LMAN2L: variants seen among roughly 807,000 people sequenced by gnomAD.
The protein encoded by LMAN2L is VIP36-like protein.
LMAN2L carries 30 observed loss-of-function variants against 44.3 expected under a neutral mutation model. The ratio of observed to expected loss-of-function variants is 0.68; its 90% CI spans 0.51 to 0.92. LMAN2L has a LOEUF of 0.92. LMAN2L is among the 40% of genes least tolerant of loss of function. LMAN2L has a pLI of 0.00. For synonymous variants in LMAN2L, 183 were observed against 171.1 expected, an observed-to-expected ratio of 1.07 and a Z score of -0.54; for missense variants, 429 against 446.1, an observed-to-expected ratio of 0.96 and a Z score of 0.35.
At chr2:96,708,323 T>A (rs1160101879) in intron 6 of LMAN2L, among the ~76,000 whole-genome samples, 1 of 152,218 alleles carries the variant, frequency 6.6e-6, no homozygotes, top group Non-Finnish European at 1.5e-5. Flanking sequence ...ATTCAACACT[T>A]TGTTACAGAA....
At chr2:96,719,853 C>T (rs2078114791) in intron 4 of LMAN2L, among the ~76,000 whole-genome samples, 1 of 152,056 alleles carries the variant, frequency 6.6e-6, no homozygotes, top group African/African-American at 2.4e-5. Flanking sequence ...AGGCATTGGC[C>T]ACTGCACCTG....
At chr2:96,717,801 T>C (rs2078071075) in intron 4 of LMAN2L, among the ~76,000 whole-genome samples, 1 of 146,836 alleles carries the variant, frequency 6.8e-6, no homozygotes, top group South Asian at 2.2e-4. Flanking sequence ...ATCGTGCCAC[T>C]ATACGCCAGT....
At position 96,707,413 on chromosome 2, in the gene LMAN2L, G is replaced by A; in HGVS notation, c.905-15C>T. On this transcript the variant is annotated splice_polypyrimidine_tract_variant and intron_variant, in intron 7 of 7. Coordinates refer to ENST00000264963, the MANE Select transcript of LMAN2L (RefSeq NM_030805.4). ...TGGAGCTGTCACTGAGGAAGCAAGA[G>A]AGAAGCAAGTCAGAAAACAGGGAGC... 6.2e-7 allele frequency: 1 copy of A among 1,605,328 alleles called. No individual in the cohort carries two copies. The highest frequency in any genetic ancestry group is 8.5e-7 in the Non-Finnish European group (1 of 1,176,010).
At chr2:96,710,993 G>A (rs904192781) in intron 6 of LMAN2L, among the ~76,000 whole-genome samples, 6 of 152,176 alleles carry the variant, frequency 3.9e-5, no homozygotes, top group Non-Finnish European at 7.4e-5. Flanking sequence ...AAGAGGAGAT[G>A]GAAAAGTAAA....
intron 1 of LMAN2L, 132 bp from the exon 2 acceptor site, chr2:96,738,199 T>A (rs2078556777): frequency 9.3e-6 from 6 of 642,264 alleles, no homozygotes; most frequent in Admixed American, 2.7e-5. Context: ...CTATCTTCTC[T>A]CAGTCATGAA....
In LMAN2L at chr2:96,711,886, C is replaced by T. The variant is rs369034621; in HGVS notation, c.647G>A (p.Arg216His). Residue 216 changes from arginine (R) to histidine (H), a missense_variant, in exon 5 of 8, where the codon CGC (arginine) becomes CAC (histidine). Physicochemically the swap from Arg to His is conservative, Grantham distance 29. Coordinates refer to ENST00000264963, the MANE Select transcript of LMAN2L (RefSeq NM_030805.4). ...NLHYDTFLVI[R>H]YVKRHLTIMM... is the part of the protein sequence containing the mutation. Reference sequence around the variant, plus strand: ...CACCGTCAAATGCCTCTTGACGTAGCGAATCACCAGGAAGGTGTCGTAATG... The same window carrying T: ...CACCGTCAAATGCCTCTTGACGTAGTGAATCACCAGGAAGGTGTCGTAATG... The T allele has an allele frequency of 5.6e-6, 9 of 1,614,076 alleles. No homozygotes were observed. Among genetic ancestry groups the T allele is most frequent in the South Asian group, 5.5e-5 (5 of 91,090 alleles).
Position 96,711,876 on chromosome 2 carries a change from CTT to C in LMAN2L, c.655_656del (p.Lys219GlufsTer10). On this transcript the variant is annotated frameshift_variant, in exon 5 of 8. Coordinates refer to ENST00000264963, the MANE Select transcript of LMAN2L (RefSeq NM_030805.4). LOFTEE classifies it high-confidence loss of function. ...YDTFLVIRYV[K>X]RHLTIMMDID... The stretch of plus-strand genomic sequence containing the variant: ...CAAGGACTCTCACCGTCAAATGCCT[CTT>C]GACGTAGCGAATCACCAGGAAGGTG... The C allele has an allele frequency of 6.2e-7, 1 of 1,614,240 alleles. No individual in the cohort carries two copies. The highest frequency in any genetic ancestry group is 8.5e-7 in the Non-Finnish European group (1 of 1,180,042).
intron 4 of LMAN2L, among the ~76,000 whole-genome samples, chr2:96,716,951 G>A (rs1027128289): frequency 6.6e-6 from 1 of 152,160 alleles, no homozygotes; most frequent in Non-Finnish European, 1.5e-5. Context: ...ATACAACACA[G>A]GATCTGGGAC....
chr2:96,725,767 T>A (rs1387641156), intron 4 of LMAN2L, among the ~76,000 whole-genome samples: 1 of 152,098 alleles, frequency 6.6e-6, no homozygotes, highest in Non-Finnish European at 1.5e-5. Context: ...AAGTATTTTA[T>A]TCTTTTTGAT....
At chr2:96,727,405 G>A (rs540085213) in intron 4 of LMAN2L, among the ~76,000 whole-genome samples, 144 of 152,264 alleles carry the variant, frequency 9.5e-4, no homozygotes, top group Non-Finnish European at 1.7e-3. Flanking sequence ...GCCAAAGCAG[G>A]CAAAGCACTT....
At chr2:96,707,624 C>T in intron 7 of LMAN2L, 90 bp downstream of exon 7, 1 of 1,492,300 alleles carries the variant, frequency 6.7e-7, no homozygotes, top group Non-Finnish European at 9.1e-7. Context: ...AAGAAGAACA[C>T]AGAGCAGAGA....
intron 1 of LMAN2L, among the ~76,000 whole-genome samples, chr2:96,738,331 T>C (rs142740826): frequency 6.2e-4 from 95 of 152,298 alleles, no homozygotes; most frequent in Admixed American, 3.6e-3. Context: ...CCGTTTTATA[T>C]GTGAGTAAAC....
At chr2:96,731,424 GA>G (rs1486127867) in intron 4 of LMAN2L, among the ~76,000 whole-genome samples, 7 of 152,128 alleles carry the variant, frequency 4.6e-5, no homozygotes, top group Non-Finnish European at 7.4e-5. Context: ...CAGGGTGGAG[GA>G]ATCACCTGAG....
At chr2:96,713,209 A>T in intron 4 of LMAN2L, 1 of 1,339,436 alleles carries the variant, frequency 7.5e-7, no homozygotes, top group Non-Finnish European at 1.0e-6. Flanking sequence ...AGTCAGAAAG[A>T]CACAGCCACA....
intron 4 of LMAN2L, among the ~76,000 whole-genome samples, chr2:96,718,677 G>A (rs983929329): frequency 6.6e-6 from 1 of 152,080 alleles, no homozygotes; most frequent in African/African-American, 2.4e-5. Flanking sequence ...TCTTCATCTA[G>A]CCCTTTATGC....
rs762369457 is a variant in LMAN2L at position 96,733,540 on chromosome 2, G to T, written c.486C>A (p.Pro162=). 3 of 1,613,742 alleles carry T rather than the reference G, an allele frequency of 1.9e-6. No individual in the cohort carries two copies. The East Asian group carries it at 6.7e-5, about 36-fold the overall frequency. Residue 162 remains proline, a synonymous_variant, in exon 4 of 8, where the codon CCC becomes CCA. Transcript: ENST00000264963. ...TTACCTCTTGCTGCTTCTCCTCATT[G>T]GGGTAGGTGTCTACAAATACTCCCA... ...VGLGVFVDTY[P]NEEKQQERVF... is the part of the protein sequence containing the mutation.
chr2:96,707,584 A>G (rs2077812060), intron 7 of LMAN2L, 130 bp downstream of exon 7: 11 of 1,288,212 alleles, frequency 8.5e-6, no homozygotes, highest in Non-Finnish European at 9.7e-6. Flanking sequence ...TGAAGGGGAA[A>G]GGCAGATGAA....
At chr2:96,713,114 C>G (rs1041512549) in intron 4 of LMAN2L, 12 of 1,551,346 alleles carry the variant, frequency 7.7e-6, no homozygotes, top group Non-Finnish European at 1.0e-5. Context: ...TACCTGGACT[C>G]CTGGAGAATA....
At chr2:96,724,800 C>T (rs888389325) in intron 4 of LMAN2L, among the ~76,000 whole-genome samples, 1 of 151,934 alleles carries the variant, frequency 6.6e-6, no homozygotes, top group South Asian at 2.1e-4. Context: ...GCGCACACTG[C>T]GAAGCTCAGC....
Sources: gnomAD v4.1 joint callset for allele counts (sites outside exome capture counted in the v4.1 genomes callset) on GRCh38, gnomAD v4.1.1 for gene constraint, MANE v1.5 for transcripts, NCBI Gene and HGNC (gene_info 2026-07-23, HGNC 2026-07-21) for gene names.